NRXN1: variants seen among roughly 807,000 people sequenced by gnomAD.
NRXN1 encodes neurexin-1.
Under a neutral mutation model 150.9 loss-of-function variants are expected in NRXN1, and 39 were observed. That is an observed-to-expected ratio of 0.26 (90% confidence interval 0.20 to 0.34). The LOEUF (loss-of-function observed/expected upper bound fraction) is 0.34. Among genes scored for constraint, NRXN1 ranks in the 10% least tolerant of loss-of-function variants. The pLI is 1.00. For synonymous variants in NRXN1, 924 were observed against 757.0 expected, an observed-to-expected ratio of 1.22 and a Z score of -3.62; for missense variants, 1,815 against 1,949.9, an observed-to-expected ratio of 0.93 and a Z score of 1.30.
At chr2:50,300,031 G>T (rs2074006890) in intron 17 of NRXN1, among the ~76,000 whole-genome samples, 1 of 152,128 alleles carries the variant, frequency 6.6e-6, no homozygotes, top group African/African-American at 2.4e-5. Context: ...TCCTGAATAT[G>T]AAATAGAAGG....
intron 12 of NRXN1, among the ~76,000 whole-genome samples, chr2:50,524,478 CATAAATAAATAA>C (rs201231040): frequency 0.02 from 2,836 of 141,092 alleles, 65 homozygotes; most frequent in African/African-American, 0.055. Context: ...GAGTCCATCT[CATAAATAAATAA>C]ATAAATAAAT....
At chr2:49,929,922 G>A (rs1385045389) in intron 22 of NRXN1, among the ~76,000 whole-genome samples, 2 of 152,160 alleles carry the variant, frequency 1.3e-5, no homozygotes, top group African/African-American at 2.4e-5. Flanking sequence ...TAACAGCTGG[G>A]ATATGCATGA....
intron 16 of NRXN1, among the ~76,000 whole-genome samples, chr2:50,470,463 T>A (rs1028622306): frequency 2.8e-4 from 42 of 151,824 alleles, no homozygotes; most frequent in African/African-American, 9.9e-4. Flanking sequence ...ATTACTGAAA[T>A]ACAGTTTAAA....
At chr2:50,905,316 T>C (rs1683514425) in intron 5 of NRXN1, among the ~76,000 whole-genome samples, 1 of 152,144 alleles carries the variant, frequency 6.6e-6, no homozygotes, top group Non-Finnish European at 1.5e-5. Flanking sequence ...AAAATAAGTT[T>C]ATAAATCCAG....
rs548792504 is a variant in NRXN1 at position 50,931,637 on chromosome 2, GCATATTAAAAGGATTTGATTTTTCATTT to G, written c.773-5710_773-5683del. Among the ~76,000 whole-genome samples the G allele has an allele frequency of 4.2e-3, 636 of 152,056 alleles. 2 individuals carry two copies. Among genetic ancestry groups the G allele is most frequent in the African/African-American group, 0.015 (617 of 41,516 alleles). ...TATTCCTTGGAAGGAAAAATGCACA[GCATATTAAAAGGATTTGATTTTTCATTT>G]CTTCAGAGCTCTTAGTTTTTCATTT... On this transcript the variant is annotated intron_variant, in intron 2 of 22. Transcript: ENST00000401669.
intron 5 of NRXN1, among the ~76,000 whole-genome samples, chr2:50,861,081 G>C: frequency 6.6e-6 from 1 of 152,030 alleles, no homozygotes. Context: ...GTTGGTCATT[G>C]TTTACAGTTG....
chr2:49,983,163 A>G (rs979250469), intron 21 of NRXN1, among the ~76,000 whole-genome samples: 1 of 152,160 alleles, frequency 6.6e-6, no homozygotes, highest in Non-Finnish European at 1.5e-5. Context: ...TATTTGGGAC[A>G]CTTATTCAAA....
intron 21 of NRXN1, among the ~76,000 whole-genome samples, chr2:50,042,441 C>A (rs1691134696): frequency 6.6e-6 from 1 of 152,152 alleles, no homozygotes; most frequent in Admixed American, 6.5e-5. Context: ...CCTCTTCTGC[C>A]ATGATTGTAA....
chr2:50,448,727 G>A (rs146311021), intron 17 of NRXN1, among the ~76,000 whole-genome samples: 36 of 152,266 alleles, frequency 2.4e-4, no homozygotes, highest in Middle Eastern at 3.4e-3. Flanking sequence ...AAAGAGCACC[G>A]GAGTGGATTA....
intron 21 of NRXN1, among the ~76,000 whole-genome samples, chr2:49,961,723 ACT>A (rs1170631121): frequency 9.9e-5 from 15 of 152,256 alleles, no homozygotes; most frequent in Admixed American, 9.8e-4. Flanking sequence ...AAAGTCCAAC[ACT>A]CTTTCCAAAT....
chr2:49,972,899 C>T (rs1678193848), intron 21 of NRXN1: 1 of 152,264 alleles, frequency 6.6e-6, no homozygotes, highest in Non-Finnish European at 1.5e-5. Flanking sequence ...ATATGCAATC[C>T]CTTCTGTCCT....
intron 5 of NRXN1, among the ~76,000 whole-genome samples, chr2:50,781,278 T>A (rs1704313377): frequency 6.6e-6 from 1 of 152,130 alleles, no homozygotes; most frequent in Admixed American, 6.5e-5. Flanking sequence ...ACATTATATT[T>A]ATTATACTGA....
At chr2:50,322,217 T>C (rs1474216089) in intron 17 of NRXN1, among the ~76,000 whole-genome samples, 1 of 152,116 alleles carries the variant, frequency 6.6e-6, no homozygotes, top group African/African-American at 2.4e-5. Context: ...ACCTTAGCTA[T>C]GTAACCGTAG....
chr2:50,630,350 A>C (rs1253090626), intron 5 of NRXN1, among the ~76,000 whole-genome samples: 2 of 151,722 alleles, frequency 1.3e-5, no homozygotes, highest in Non-Finnish European at 3.0e-5. Context: ...CGGGAAAAAA[A>C]ATGTTAAACA....
chr2:50,663,344 A>G (rs1357348454), intron 5 of NRXN1, among the ~76,000 whole-genome samples: 4 of 151,968 alleles, frequency 2.6e-5, no homozygotes, highest in African/African-American at 9.7e-5. Flanking sequence ...CTGGGAAATT[A>G]ACCTTCGGAC....
Position 50,401,659 on chromosome 2 carries a change from G to A in NRXN1, c.3364+63783C>T, listed in dbSNP as rs146796000. 7.1e-3 allele frequency among the ~76,000 whole-genome samples: 1,075 copies of A among 152,158 alleles called. 3 individuals carry two copies. Among genetic ancestry groups the A allele is most frequent in the Non-Finnish European group, 0.011 (772 of 67,996 alleles). ...TAGCTAATGGCAAACAAAAGGCAAG[G>A]CAGAGAAAAGGATGGAGCAATTATT... On this transcript the variant is annotated intron_variant, in intron 17 of 22. Transcript: ENST00000401669.
Position 50,254,680 on chromosome 2 carries a change from G to GA in NRXN1, c.3365-17711dup, listed in dbSNP as rs143643236. Among the ~76,000 whole-genome samples, 1,400 of 151,886 alleles carry GA rather than the reference G, an allele frequency of 9.2e-3. 12 individuals carry two copies. The highest frequency in any genetic ancestry group is 0.032 in the African/African-American group (1,339 of 41,340). The stretch of plus-strand genomic sequence containing the variant: ...CTTAGTAGAAACAGTAACAGCAAAA[G>GA]AAATAAAAAAATATAACTTTGGTTT... On this transcript the variant is annotated intron_variant, in intron 17 of 22. Coordinates refer to ENST00000401669, the MANE Select transcript of NRXN1 (RefSeq NM_001330078.2).
At chr2:50,878,713 C>G (rs370702245) in intron 5 of NRXN1, among the ~76,000 whole-genome samples, 1 of 151,822 alleles carries the variant, frequency 6.6e-6, no homozygotes, top group Admixed American at 6.6e-5. Flanking sequence ...GCATGGCTGA[C>G]GAGATTGTTC....
intron 5 of NRXN1, among the ~76,000 whole-genome samples, chr2:50,845,971 C>T (rs902052753): frequency 6.6e-6 from 1 of 152,196 alleles, no homozygotes; most frequent in Non-Finnish European, 1.5e-5. Context: ...CTGCTAATAG[C>T]ACATTTCAGT....
Sources: allele counts gnomAD v4.1 joint callset (sites outside exome capture counted in the v4.1 genomes callset), GRCh38; gene constraint gnomAD v4.1.1; transcripts MANE v1.5; gene names NCBI Gene and HGNC (gene_info 2026-07-23, HGNC 2026-07-21).